Variants in ZNF385C observed in about 807,000 individuals in gnomAD.
ZNF385C encodes CTD-2132N18.2.
A neutral mutation model predicts 35.4 loss-of-function variants in ZNF385C; 28 were observed. The observed-to-expected ratio is 0.79, with a 90% CI of 0.59 to 1.08. ZNF385C has a LOEUF of 1.08. Among genes scored for constraint, ZNF385C ranks in the 50% least tolerant of loss-of-function variants. ZNF385C has a pLI of 0.00. For synonymous variants in ZNF385C, 248 were observed against 248.2 expected (o/e 1.00, Z 0.01); for missense variants, 605 against 595.6 (o/e 1.02, Z -0.16).
At chr17:42,094,687 A>C (rs1280577802) in intron 1 of ZNF385C, among the ~76,000 whole-genome samples, 1 of 152,210 alleles carries the variant, frequency 6.6e-6, no homozygotes, top group Non-Finnish European at 1.5e-5. Flanking sequence ...CGAGAACTAC[A>C]CAAGGACAGA....
chr17:42,060,904 G>A (rs782777315), intron 2 of ZNF385C, among the ~76,000 whole-genome samples: 18 of 152,030 alleles, frequency 1.2e-4, no homozygotes, highest in Middle Eastern at 3.4e-3. Context: ...TTTAGTAGAT[G>A]AGGTTTCGCC....
chr17:42,054,300 C>T (rs1229970856), intron 2 of ZNF385C, among the ~76,000 whole-genome samples: 2 of 152,210 alleles, frequency 1.3e-5, no homozygotes, highest in Non-Finnish European at 2.9e-5. Context: ...TGGCTCTTGC[C>T]GCCCTCTTGC....
chr17:42,057,509 CGCGCGT>C lies in ZNF385C; in HGVS notation c.250+5292_250+5297del, dbSNP rs1422918492. On this transcript the variant is annotated intron_variant, in intron 2 of 8. Coordinates refer to ENST00000692273, the MANE Select transcript of ZNF385C (RefSeq NM_001392013.1). ...TTATTTAGGGGTGTGCGCGCGCGCG[CGCGCGT>C]GTGTGTGTGTGTGTGTGTGTGTGTG... Among the ~76,000 whole-genome samples, 311 of 144,166 alleles carry C rather than the reference CGCGCGT, an allele frequency of 2.2e-3. 3 individuals are homozygous for C. Among genetic ancestry groups the C allele is most frequent in the African/African-American group, 8.3e-3 (291 of 34,962 alleles). The allele number at this position is 144,166 out of a possible 152,430, so 94.6% of individuals were successfully genotyped here. A position where few individuals can be genotyped will look rare whatever the true frequency, so the allele number is the denominator to read the frequency against.
intron 2 of ZNF385C, among the ~76,000 whole-genome samples, chr17:42,053,073 G>T (rs2053314008): frequency 6.6e-6 from 1 of 152,166 alleles, no homozygotes; most frequent in Admixed American, 6.5e-5. Context: ...ATGGCCAGGG[G>T]GTTCCTCCCC....
intron 2 of ZNF385C, chr17:42,039,413 A>C: frequency 6.5e-6 from 2 of 307,780 alleles, no homozygotes; most frequent in East Asian, 5.2e-5. Flanking sequence ...CCAGAAGGGA[A>C]AAGGGTGAGC....
intron 2 of ZNF385C, among the ~76,000 whole-genome samples, chr17:42,046,835 G>A (rs1232076613): frequency 6.6e-6 from 1 of 150,930 alleles, no homozygotes; most frequent in Non-Finnish European, 1.5e-5. Flanking sequence ...TTGTTTCTGA[G>A]ACTGTCAATT....
At chr17:42,082,864 G>T (rs1468444490) in intron 1 of ZNF385C, among the ~76,000 whole-genome samples, 2 of 152,170 alleles carry the variant, frequency 1.3e-5, no homozygotes, top group Non-Finnish European at 1.5e-5. Flanking sequence ...GATCACCTGA[G>T]GTCAAGAGTT....
At chr17:42,053,885 A>G (rs2053328674) in intron 2 of ZNF385C, among the ~76,000 whole-genome samples, 1 of 151,992 alleles carries the variant, frequency 6.6e-6, no homozygotes, top group African/African-American at 2.4e-5. Flanking sequence ...GGAGTGCAGA[A>G]CGAGGAGCAA....
At position 42,029,036 on chromosome 17, in the gene ZNF385C, T is replaced by C. The variant is rs1555654716; in HGVS notation, c.714A>G (p.Pro238=). 6.5e-7 allele frequency: 1 copy of C among 1,550,116 alleles called. No individual in the cohort carries two copies. Among genetic ancestry groups the C allele is most frequent in the Admixed American group, 2.0e-5 (1 of 51,006 alleles). ...AAPPLGPPLQ[P]PPTPDPTCRE... is the part of the protein sequence containing the mutation. ...TGCATGTAGGGTCTGGAGTTGGTGG[T>C]GGCTGGAGTGGAGGCCCAAGAGGAG... Residue 238 remains proline (P), a synonymous_variant, in exon 6 of 9, where the codon CCA becomes CCG. Transcript: ENST00000692273.
At chr17:42,053,366 T>G (rs2053319228) in intron 2 of ZNF385C, among the ~76,000 whole-genome samples, 2 of 152,020 alleles carry the variant, frequency 1.3e-5, no homozygotes, top group African/African-American at 2.4e-5. Flanking sequence ...TGGACCCCAG[T>G]GCAGTGGCTG....
At chr17:42,097,237 C>G (rs996148339) in intron 1 of ZNF385C, among the ~76,000 whole-genome samples, 1 of 152,128 alleles carries the variant, frequency 6.6e-6, no homozygotes, top group African/African-American at 2.4e-5. Flanking sequence ...TTCAAGGTCA[C>G]GCAGTAGGTA....
chr17:42,072,523 G>C lies in ZNF385C; in HGVS notation c.-2-9465C>G, dbSNP rs1265334991. On this transcript the variant is annotated intron_variant, in intron 1 of 8. Coordinates refer to ENST00000692273, the MANE Select transcript of ZNF385C (RefSeq NM_001392013.1). ...CGCGGCGCGTGGGTCCGGGATGGGC[G>C]GCGGGGAGTGCGGGCCCGAGTCCGG... Among the ~76,000 whole-genome samples the C allele has an allele frequency of 5.9e-5, 9 of 152,186 alleles. No individual in the cohort carries two copies. The East Asian group carries it at 1.5e-3, about 26-fold the overall frequency.
At chr17:42,041,700 A>G (rs1276811689) in intron 2 of ZNF385C, among the ~76,000 whole-genome samples, 1 of 151,994 alleles carries the variant, frequency 6.6e-6, no homozygotes, top group African/African-American at 2.4e-5. Flanking sequence ...CCAACTCCCA[A>G]CCAGTCACCC....
At chr17:42,057,924 C>T (rs1327787238) in intron 2 of ZNF385C, among the ~76,000 whole-genome samples, 2 of 151,480 alleles carry the variant, frequency 1.3e-5, no homozygotes, top group East Asian at 3.9e-4. Context: ...GCCTGGGCAA[C>T]AGAGTGAGAC....
At chr17:42,027,554 G>GGGCCCCCCCCCCCCCCCCCCCCCCC in intron 8 of ZNF385C, 64 bp downstream of exon 8, 1 of 556,882 alleles carries the variant, frequency 1.8e-6, no homozygotes. Flanking sequence ...CCCCCATCTG[G>GGGCCCCCCCCCCCCCCCCCCCCCCC]CCCTCCCAGC....
chr17:42,036,479 G>A (rs567461811), intron 3 of ZNF385C, among the ~76,000 whole-genome samples: 36 of 152,064 alleles, frequency 2.4e-4, no homozygotes, highest in African/African-American at 8.0e-4. Context: ...GATCCCTTGA[G>A]CTCCAGAGTT....
intron 1 of ZNF385C, among the ~76,000 whole-genome samples, chr17:42,089,428 G>C (rs1403485911): frequency 6.6e-6 from 1 of 152,106 alleles, no homozygotes; most frequent in African/African-American, 2.4e-5. Context: ...GCTTGCCCCA[G>C]CCTGGAAGAT....
At chr17:42,031,509 G>C (rs1567983815) in intron 5 of ZNF385C, 110 bp downstream of exon 5, 1 of 1,365,746 alleles carries the variant, frequency 7.3e-7, no homozygotes, top group East Asian at 2.5e-5. Flanking sequence ...TTGCCTGTCT[G>C]TATGGAATAC....
intron 2 of ZNF385C, among the ~76,000 whole-genome samples, chr17:42,056,887 C>A (rs1350324174): frequency 6.6e-6 from 1 of 152,154 alleles, no homozygotes; most frequent in Non-Finnish European, 1.5e-5. Context: ...AAACCTCTTT[C>A]TTTTGTAAAC....
Sources: allele counts gnomAD v4.1 joint callset (sites outside exome capture counted in the v4.1 genomes callset), GRCh38; gene constraint gnomAD v4.1.1; transcripts MANE v1.5; gene names NCBI Gene and HGNC (gene_info 2026-07-23, HGNC 2026-07-21).